Variants in INTS6 observed in about 807,000 individuals in gnomAD.
INTS6 encodes the protein DEAD box protein.
INTS6 carries 16 observed loss-of-function variants against 104.9 expected under a neutral mutation model. The observed-to-expected ratio is 0.15, with a 90% CI of 0.10 to 0.23. The LOEUF (loss-of-function observed/expected upper bound fraction) is 0.23, where lower values mean the gene tolerates loss of function less well. Ranked by LOEUF, INTS6 falls within the 10% of genes least tolerant of loss-of-function variation. The pLI is 1.00. For missense variants in INTS6, 584 were observed against 1,062.8 expected (o/e 0.55, Z 6.26); for synonymous variants, 324 against 358.7 (o/e 0.90, Z 1.09).
intron 3 of INTS6, among the ~76,000 whole-genome samples, chr13:51,435,803 T>C (rs1483060076): frequency 1.3e-5 from 2 of 152,058 alleles, no homozygotes; most frequent in East Asian, 1.9e-4. Flanking sequence ...AAGTCAATAA[T>C]TCATTGTCAT....
intron 15 of INTS6, among the ~76,000 whole-genome samples, chr13:51,373,375 G>A (rs1955853001): frequency 6.6e-6 from 1 of 152,056 alleles, no homozygotes; most frequent in African/African-American, 2.4e-5. Context: ...GCTCCTCTCT[G>A]ATAATAGTCC....
At chr13:51,390,400 T>C (rs1956225459) in intron 5 of INTS6, among the ~76,000 whole-genome samples, 2 of 151,898 alleles carry the variant, frequency 1.3e-5, no homozygotes, top group Non-Finnish European at 2.9e-5. Flanking sequence ...ATTAATTTCA[T>C]CTATTTTTAA....
intron 4 of INTS6, among the ~76,000 whole-genome samples, chr13:51,414,833 T>TATACACACACAC (rs1555288619): frequency 7.0e-6 from 1 of 142,950 alleles, no homozygotes; most frequent in African/African-American, 2.6e-5. Flanking sequence ...AGTTCTTCTA[T>TATACACACACAC]ACACACACAC....
At chr13:51,339,088 T>C in the INTS6 span, among the ~76,000 whole-genome samples, 2 of 152,238 alleles carry the variant, frequency 1.3e-5, no homozygotes, top group African/African-American at 4.8e-5. Flanking sequence ...AATTAGTCAT[T>C]GGACTTACGA....
At chr13:51,389,170 C>T in intron 6 of INTS6, 149 bp downstream of exon 6, 1 of 689,476 alleles carries the variant, frequency 1.5e-6, no homozygotes, top group Non-Finnish European at 2.4e-6. Flanking sequence ...CTTGACTTTC[C>T]TATTTAATCT....
chr13:51,374,698 G>T lies in INTS6; in HGVS notation c.1828C>A (p.Arg610=). The change falls in exon 14 of 18, where the codon CGA becomes AGA. Residue 610 remains arginine, a synonymous_variant. Coordinates refer to ENST00000311234, the MANE Select transcript of INTS6 (RefSeq NM_012141.3). Reference sequence around the variant, plus strand: ...GGGTTGCCAAATGTATGCAACCTTCGTGGCTGATCAGGATCAAGTTCTCTT... The same window carrying T: ...GGGTTGCCAAATGTATGCAACCTTCTTGGCTGATCAGGATCAAGTTCTCTT... ...PLRELDPDQP[R]RLHTFGNPFK... is the part of the protein sequence containing the mutation. 6.2e-7 allele frequency: 1 copy of T among 1,613,334 alleles called. No individual in the cohort carries two copies. The highest frequency in any genetic ancestry group is 8.5e-7 in the Non-Finnish European group (1 of 1,179,932).
Position 51,422,010 on chromosome 13 carries a change from TA to T in INTS6, c.429+8283del, listed in dbSNP as rs200891356. Among the ~76,000 whole-genome samples the T allele has an allele frequency of 1.9e-3, 285 of 150,570 alleles. 1 individual carries two copies. Among genetic ancestry groups the T allele is most frequent in the South Asian group, 4.8e-3 (23 of 4,770 alleles). Reference sequence around the variant, plus strand: ...TTATTTATTTAAATCTGCTTCAAAGTAAAAAAAAAATTTAACTATCAGAATC... The same window carrying T: ...TTATTTATTTAAATCTGCTTCAAAGTAAAAAAAAATTTAACTATCAGAATC... On this transcript the variant is annotated intron_variant, in intron 4 of 17. Coordinates refer to ENST00000311234, the MANE Select transcript of INTS6 (RefSeq NM_012141.3).
chr13:51,409,263 AAAT>A (rs57913744), intron 4 of INTS6, among the ~76,000 whole-genome samples: 40,455 of 135,546 alleles, frequency 0.3, 5,889 homozygotes, highest in Middle Eastern at 0.33. Context: ...AATCCGTCTC[AAAT>A]AATAATAATA....
the INTS6 span, chr13:51,340,653 T>C: frequency 2.9e-5 from 5 of 170,554 alleles, no homozygotes; most frequent in South Asian, 7.2e-4. Context: ...TTTAACATAG[T>C]AGATAATTAT....
At chr13:51,375,496 A>C (rs1955903920) in intron 13 of INTS6, among the ~76,000 whole-genome samples, 1 of 150,542 alleles carries the variant, frequency 6.6e-6, no homozygotes, top group Admixed American at 6.6e-5. Flanking sequence ...AAAAAGTCGC[A>C]TAGCTAACTC....
intron 5 of INTS6, among the ~76,000 whole-genome samples, chr13:51,391,620 A>G (rs1256918505): frequency 2.0e-5 from 3 of 152,288 alleles, no homozygotes; most frequent in South Asian, 2.1e-4. Context: ...ATTTGTGAAA[A>G]AAGTTTTATT....
At chr13:51,431,036 C>T (rs536906051) in intron 3 of INTS6, among the ~76,000 whole-genome samples, 61 of 152,230 alleles carry the variant, frequency 4.0e-4, no homozygotes, top group African/African-American at 1.3e-3. Context: ...CAGAGTAGCA[C>T]GGGTTCTCAA....
At chr13:51,349,224 A>G (rs575571912), downstream of INTS6, among the ~76,000 whole-genome samples, 1 of 152,348 alleles carries the variant, frequency 6.6e-6, no homozygotes, top group East Asian at 1.9e-4. Flanking sequence ...TCCAGTAGGC[A>G]AAGGCAAAGT....
At chr13:51,411,255 A>G (rs574506305) in intron 4 of INTS6, among the ~76,000 whole-genome samples, 1 of 143,298 alleles carries the variant, frequency 7.0e-6, no homozygotes, top group Non-Finnish European at 1.5e-5. Context: ...ATAAATAAAT[A>G]AGCAAGCAAG....
At position 51,362,871 on chromosome 13, in the gene INTS6, A is replaced by G. The variant is rs1197262005; in HGVS notation, c.*2881T>C. The G allele has an allele frequency of 6.6e-6, 1 of 152,434 alleles. No individual in the cohort carries two copies. The highest frequency in any genetic ancestry group is 2.4e-5 in the African/African-American group (1 of 41,438). 9.4% of individuals were successfully genotyped at this position (152,434 alleles called of 1,614,324 possible). On this transcript the variant is annotated 3_prime_UTR_variant, in exon 18 of 18. Coordinates refer to ENST00000311234, the MANE Select transcript of INTS6 (RefSeq NM_012141.3). ...AGATATAAACCATTCACTAGAAAATAATCTATTTGGGATTATTTGGAGAGA... is the reference window on the plus strand; with the variant it reads ...AGATATAAACCATTCACTAGAAAATGATCTATTTGGGATTATTTGGAGAGA...
intron 4 of INTS6, among the ~76,000 whole-genome samples, chr13:51,409,996 A>C (rs552526542): frequency 6.6e-6 from 1 of 152,330 alleles, no homozygotes; most frequent in South Asian, 2.1e-4. Context: ...TAAAAAGACC[A>C]ATCAATAATA....
chr13:51,451,877 G>A, intron 2 of INTS6, 101 bp downstream of exon 2: 1 of 740,810 alleles, frequency 1.3e-6, no homozygotes, highest in Non-Finnish European at 2.3e-6. Context: ...CAGCGGGTGG[G>A]GGAGGGGAGC....
At chr13:51,405,402 A>G (rs140270885) in intron 4 of INTS6, among the ~76,000 whole-genome samples, 4 of 152,306 alleles carry the variant, frequency 2.6e-5, no homozygotes, top group Non-Finnish European at 5.9e-5. Context: ...GGTCAAGCTT[A>G]AAGAAAATGC....
At chr13:51,408,109 C>G (rs1165505866) in intron 4 of INTS6, among the ~76,000 whole-genome samples, 1 of 149,902 alleles carries the variant, frequency 6.7e-6, no homozygotes, top group Non-Finnish European at 1.5e-5. Context: ...CAGAATCTAC[C>G]ATAAAACATT....
Sources: allele counts gnomAD v4.1 joint callset (sites outside exome capture counted in the v4.1 genomes callset), GRCh38; gene constraint gnomAD v4.1.1; transcripts MANE v1.5; gene names NCBI Gene and HGNC (gene_info 2026-07-23, HGNC 2026-07-21).